The following NR1H4 variants were observed in gnomAD, a reference collection of about 807,000 sequenced individuals.
NR1H4 encodes bile acid receptor.
A neutral mutation model predicts 58.5 loss-of-function variants in NR1H4; 23 were observed. The observed-to-expected ratio is 0.39, with a 90% CI of 0.28 to 0.56. NR1H4 has a LOEUF of 0.56. Ranked by LOEUF, NR1H4 falls within the 20% of genes least tolerant of loss-of-function variation. The pLI is 0.58. For synonymous variants in NR1H4, 214 were observed against 198.0 expected (o/e 1.08, Z -0.68); for missense variants, 487 against 576.9 (o/e 0.84, Z 1.60).
chr12:100,504,072 T>C (rs1953900747), intron 3 of NR1H4, among the ~76,000 whole-genome samples: 1 of 150,942 alleles, frequency 6.6e-6, no homozygotes, highest in Non-Finnish European at 1.5e-5. Flanking sequence ...AAAAAAAAAA[T>C]GAAAAGAGTT....
rs929692553 is a variant in NR1H4 at position 100,493,291 on chromosome 12, A to G, written c.-33A>G. On this transcript the variant is annotated 5_prime_UTR_variant, in exon 3 of 11. Transcript: ENST00000392986. ...TCAGGAGTTTTTTTTGAAGACCACC[A>G]TAAAGAAAGTGCATTTCAATTGAAA... The G allele has an allele frequency of 5.5e-6, 6 of 1,095,970 alleles. No homozygotes were observed. Among genetic ancestry groups the G allele is most frequent in the Non-Finnish European group, 8.3e-6 (6 of 720,438 alleles). 67.9% of individuals were successfully genotyped at this position (1,095,970 alleles called of 1,614,324 possible). A position where few individuals can be genotyped will look rare whatever the true frequency, so the allele number is the denominator to read the frequency against.
At position 100,511,096 on chromosome 12, in the gene NR1H4, G is replaced by C; in HGVS notation, c.398G>C (p.Arg133Thr). 6.2e-7 allele frequency: 1 copy of C among 1,614,256 alleles called. No homozygotes were observed. The highest frequency in any genetic ancestry group is 8.5e-7 in the Non-Finnish European group (1 of 1,180,036). ...GAGCTGTGTGTTGTTTGTGGAGACAGAGCCTCTGGATACCACTATAATGCA... is the reference window on the plus strand; with the variant it reads ...GAGCTGTGTGTTGTTTGTGGAGACACAGCCTCTGGATACCACTATAATGCA... Reference protein sequence around the residue: ...GDELCVVCGDRASGYHYNALT... With the variant: ...GDELCVVCGDTASGYHYNALT... Residue 133 changes from arginine to threonine, a missense_variant, in exon 4 of 11, where the codon AGA becomes ACA. By Grantham distance (71) the Arg-to-Thr change is moderately conservative (BLOSUM62 -1). Transcript: ENST00000392986.
At chr12:100,487,457 T>C (rs1953515095) in intron 1 of NR1H4, among the ~76,000 whole-genome samples, 1 of 152,142 alleles carries the variant, frequency 6.6e-6, no homozygotes. Flanking sequence ...GGCAGCTGGC[T>C]AATCTATCCT....
At chr12:100,531,318 C>T (rs779073923) in intron 4 of NR1H4, among the ~76,000 whole-genome samples, 8 of 151,998 alleles carry the variant, frequency 5.3e-5, no homozygotes, top group African/African-American at 1.2e-4. Flanking sequence ...TAGTCGGCCG[C>T]GGTGGGCGGC....
intron 3 of NR1H4, among the ~76,000 whole-genome samples, chr12:100,506,212 T>C (rs1183562852): frequency 1.3e-5 from 2 of 152,182 alleles, no homozygotes; most frequent in African/African-American, 4.8e-5. Context: ...AACATGTCTT[T>C]TAATGACACT....
At chr12:100,524,924 G>A (rs1305288306) in intron 4 of NR1H4, among the ~76,000 whole-genome samples, 1 of 152,152 alleles carries the variant, frequency 6.6e-6, no homozygotes, top group African/African-American at 2.4e-5. Flanking sequence ...TTTGAAGAGG[G>A]AGTGTTGAGG....
At chr12:100,553,925 A>G (rs1054553723) in intron 9 of NR1H4, among the ~76,000 whole-genome samples, 3 of 152,190 alleles carry the variant, frequency 2.0e-5, no homozygotes, top group South Asian at 2.1e-4. Context: ...CATGGGCCCA[A>G]ATTTCACTGC....
At chr12:100,525,560 T>C (rs561613110) in intron 4 of NR1H4, 6 of 151,990 alleles carry the variant, frequency 3.9e-5, no homozygotes, top group Admixed American at 6.6e-5. Context: ...CAAAAACAAA[T>C]GCTAACACAC....
At chr12:100,485,094 A>G (rs1240512099) in intron 1 of NR1H4, among the ~76,000 whole-genome samples, 2 of 152,236 alleles carry the variant, frequency 1.3e-5, no homozygotes, top group South Asian at 2.1e-4. Context: ...CAGGTATTAT[A>G]GAAACTCCCT....
rs79311264 is a variant in NR1H4 at position 100,542,510 on chromosome 12, C to T, written c.1078+1692C>T. ...TTACCAGGAATTCTGTGCAATTTAT[C>T]TTAGGAGATCCTTAAGATAGGATGA... On this transcript the variant is annotated intron_variant, in intron 9 of 10. Transcript: ENST00000392986. 3.3e-3 allele frequency among the ~76,000 whole-genome samples: 510 copies of T among 152,284 alleles called. 5 individuals are homozygous for T. Among genetic ancestry groups the T allele is most frequent in the African/African-American group, 0.012 (479 of 41,558 alleles).
chr12:100,536,702 T>C, intron 7 of NR1H4, 92 bp downstream of exon 7: 1 of 772,652 alleles, frequency 1.3e-6, no homozygotes. Flanking sequence ...GTGAATATGT[T>C]ACTTTGAAAT....
chr12:100,533,890 CT>C (rs758465149), intron 5 of NR1H4, among the ~76,000 whole-genome samples: 257 of 143,236 alleles, frequency 1.8e-3, no homozygotes, highest in Middle Eastern at 7.4e-3. Flanking sequence ...TAATAGCTCT[CT>C]TTTTTTTTTT....
intron 3 of NR1H4, chr12:100,499,906 A>T (rs925112690): frequency 1.3e-5 from 6 of 455,922 alleles, no homozygotes; most frequent in African/African-American, 1.2e-4. Flanking sequence ...GTCTTGGACA[A>T]ATTCCTTAAC....
chr12:100,535,554 T>A (rs1343757094), intron 6 of NR1H4, among the ~76,000 whole-genome samples: 1 of 152,262 alleles, frequency 6.6e-6, no homozygotes, highest in African/African-American at 2.4e-5. Flanking sequence ...CACATTGTGA[T>A]AATGCACAGG....
intron 3 of NR1H4, among the ~76,000 whole-genome samples, chr12:100,496,193 A>G (rs1953711654): frequency 1.3e-5 from 2 of 152,004 alleles, no homozygotes; most frequent in South Asian, 4.1e-4. Context: ...AGTAGAAAGC[A>G]AACTCACAAT....
At chr12:100,486,603 TC>T (rs1953497575) in intron 1 of NR1H4, among the ~76,000 whole-genome samples, 1 of 152,254 alleles carries the variant, frequency 6.6e-6, no homozygotes, top group Non-Finnish European at 1.5e-5. Flanking sequence ...AAGAAACTTT[TC>T]TTTTTAAGAG....
chr12:100,529,987 A>G (rs1208622010), intron 4 of NR1H4, among the ~76,000 whole-genome samples: 1 of 152,132 alleles, frequency 6.6e-6, no homozygotes, highest in Non-Finnish European at 1.5e-5. Context: ...CTGCTTCTAC[A>G]TTTCAATAAT....
At chr12:100,542,396 A>G (rs1203513406) in intron 9 of NR1H4, among the ~76,000 whole-genome samples, 1 of 152,216 alleles carries the variant, frequency 6.6e-6, no homozygotes, top group Non-Finnish European at 1.5e-5. Flanking sequence ...GTACCTCTCA[A>G]GAGACGAGAT....
At chr12:100,555,277 C>T (rs1310959981) in intron 9 of NR1H4, among the ~76,000 whole-genome samples, 1 of 152,130 alleles carries the variant, frequency 6.6e-6, no homozygotes, top group Non-Finnish European at 1.5e-5. Context: ...GTAACCACAA[C>T]TGAGGAGTGT....
Sources: allele counts gnomAD v4.1 joint callset (sites outside exome capture counted in the v4.1 genomes callset), GRCh38; gene constraint gnomAD v4.1.1; transcripts MANE v1.5; gene names NCBI Gene and HGNC (gene_info 2026-07-23, HGNC 2026-07-21).